PCDH11X: variants seen among roughly 807,000 people sequenced by gnomAD.
The protein encoded by PCDH11X is protocadherin 11 X-linked, also known as protocadherin-11 X-linked.
PCDH11X carries 18 observed loss-of-function variants against 53.3 expected under a neutral mutation model. The observed-to-expected ratio is 0.34, with a 90% CI of 0.23 to 0.50. The LOEUF (loss-of-function observed/expected upper bound fraction) is 0.50, where lower values mean the gene tolerates loss of function less well. Among genes scored for constraint, PCDH11X ranks in the 20% least tolerant of loss-of-function variants. PCDH11X has a pLI of 0.98. For missense variants in PCDH11X, 570 were observed against 1,032.4 expected (o/e 0.55, Z 6.14); for synonymous variants, 279 against 393.3 (o/e 0.71, Z 3.44).
chrX:92,276,696 T>G (rs1355800055), intron 8 of PCDH11X, among the ~76,000 whole-genome samples: 2 of 111,558 alleles, frequency 1.8e-5, no homozygotes, highest in Non-Finnish European at 3.8e-5. Flanking sequence ...TCAAGTCCTG[T>G]TGTGGGGTTT....
chrX:92,345,213 G>A (rs2069862253), intron 8 of PCDH11X, among the ~76,000 whole-genome samples: 3 of 110,556 alleles, frequency 2.7e-5, no homozygotes, highest in Admixed American at 9.7e-5. Flanking sequence ...AAGAGGATAC[G>A]AAGAACATTC....
chrX:92,159,022 A>T (rs1195814396), intron 6 of PCDH11X, among the ~76,000 whole-genome samples: 1 of 112,207 alleles, frequency 8.9e-6, no homozygotes, highest in Non-Finnish European at 1.9e-5. Flanking sequence ...TAAGCACAAA[A>T]ATAAGTACAT....
At chrX:91,981,034 A>G (rs1237700216) in intron 6 of PCDH11X, among the ~76,000 whole-genome samples, 2 of 102,958 alleles carry the variant, frequency 1.9e-5, no homozygotes, top group African/African-American at 7.0e-5. Flanking sequence ...ATATATATAT[A>G]TACACTGAAT....
At chrX:92,340,520 T>G in intron 8 of PCDH11X, among the ~76,000 whole-genome samples, 1 of 112,180 alleles carries the variant, frequency 8.9e-6, no homozygotes, top group Non-Finnish European at 1.9e-5. Context: ...CTTGACTCAG[T>G]GCACCCACAG....
chrX:92,614,779 C>T (rs746506358), intron 10 of PCDH11X, among the ~76,000 whole-genome samples: 1,286 of 110,797 alleles, frequency 0.012, 22 homozygotes, highest in African/African-American at 0.04. Context: ...CTCCTCAGCC[C>T]CAAGTTCTCT....
At position 92,493,898 on chromosome X, in the gene PCDH11X, C is replaced by T. The variant is rs369634950; in HGVS notation, c.3367+25576C>T. On this transcript the variant is annotated intron_variant, in intron 10 of 10. Transcript: ENST00000682573. ...CTGAGCTCAGGCAATCCAACCGCCT[C>T]GGCCTCCCGAAGTGCTAGGATTACA... Among the ~76,000 whole-genome samples, 249 of 109,919 alleles carry T rather than the reference C, an allele frequency of 2.3e-3. 1 individual carries two copies. The highest frequency in any genetic ancestry group is 7.7e-3 in the African/African-American group (232 of 30,225).
At chrX:92,208,119 C>T (rs945202391) in intron 7 of PCDH11X, among the ~76,000 whole-genome samples, 5 of 106,358 alleles carry the variant, frequency 4.7e-5, no homozygotes, top group African/African-American at 1.7e-4. Flanking sequence ...CACTTGAACC[C>T]GGGTGGCAGA....
intron 10 of PCDH11X, among the ~76,000 whole-genome samples, chrX:92,609,216 C>A (rs1282419050): frequency 9.0e-6 from 1 of 111,729 alleles, no homozygotes; most frequent in East Asian, 2.8e-4. Context: ...ATAAAAATTT[C>A]TACGATAACA....
At chrX:92,193,395 G>A (rs2066234579) in intron 6 of PCDH11X, among the ~76,000 whole-genome samples, 1 of 110,959 alleles carries the variant, frequency 9.0e-6, no homozygotes, top group Non-Finnish European at 1.9e-5. Context: ...GGACAAGAAT[G>A]ATGCCAATAA....
chrX:92,135,854 C>G lies in PCDH11X; in HGVS notation c.3034-65521C>G, dbSNP rs760177568. Among the ~76,000 whole-genome samples, 4 of 109,183 alleles carry G rather than the reference C, an allele frequency of 3.7e-5. No individual in the cohort carries two copies. In the East Asian group the frequency reaches 1.2e-3, roughly 32 times the overall value. The allele number at this position is 109,183 out of a possible 115,157, so 94.8% of individuals were successfully genotyped here. On this transcript the variant is annotated intron_variant, in intron 6 of 10. Transcript: ENST00000682573. ...GTATAATTGGAATGAAAATTATTAT[C>G]TTGGTGAAGAAAATCTGAGCTGCCA...
intron 6 of PCDH11X, among the ~76,000 whole-genome samples, chrX:92,172,564 AT>A (rs1441757499): frequency 2.1e-4 from 23 of 108,210 alleles, no homozygotes; most frequent in African/African-American, 7.0e-4. Context: ...TAGTTAACAA[AT>A]TTTTTTTTGA....
At chrX:92,485,351 C>T (rs893334312) in intron 10 of PCDH11X, among the ~76,000 whole-genome samples, 1 of 110,943 alleles carries the variant, frequency 9.0e-6, no homozygotes, top group African/African-American at 3.3e-5. Flanking sequence ...AAAATGTTCA[C>T]ATGTTTTTAT....
Position 91,835,584 on chromosome X carries a change from A to G in PCDH11X, c.80A>G (p.Asn27Ser), listed in dbSNP as rs1347739706. 9.9e-6 allele frequency: 12 copies of G among 1,208,884 alleles called. No homozygotes were observed. The East Asian group carries it at 3.3e-4, about 33-fold the overall frequency. Residue 27 changes from asparagine (N) to serine (S), a missense_variant, in exon 5 of 11, where the codon AAC (asparagine) becomes AGC (serine). Transcript: ENST00000682573. ...VVFHSGAQEK[N>S]YTIREEMPEN... ...TTCCACTCTGGCGCCCAGGAGAAAA[A>G]CTACACCATCCGAGAAGAAATGCCA...
intron 6 of PCDH11X, among the ~76,000 whole-genome samples, chrX:91,888,065 G>A (rs1163632963): frequency 3.6e-5 from 4 of 111,470 alleles, no homozygotes; most frequent in African/African-American, 1.3e-4. Context: ...ATTTGCAACC[G>A]AAATTGTTTT....
chrX:92,569,635 A>AT (rs1037425710), intron 10 of PCDH11X, among the ~76,000 whole-genome samples: 7 of 110,854 alleles, frequency 6.3e-5, no homozygotes, highest in African/African-American at 2.3e-4. Flanking sequence ...GTCATTAACT[A>AT]TTTTTTGATA....
At chrX:92,219,535 A>G (rs1370746115) in intron 7 of PCDH11X, among the ~76,000 whole-genome samples, 2 of 109,307 alleles carry the variant, frequency 1.8e-5, no homozygotes, top group Admixed American at 9.9e-5. Context: ...CCACTGCTCA[A>G]TGAAATAAAA....
intron 7 of PCDH11X, among the ~76,000 whole-genome samples, chrX:92,257,374 C>A (rs1485543655): frequency 9.0e-6 from 1 of 110,924 alleles, no homozygotes; most frequent in Admixed American, 9.6e-5. Context: ...CCCTGGCCTC[C>A]CCCAAATCTC....
intron 4 of PCDH11X, among the ~76,000 whole-genome samples, chrX:91,827,973 G>A (rs1936975944): frequency 9.1e-6 from 1 of 109,672 alleles, no homozygotes; most frequent in Admixed American, 9.8e-5. Context: ...CTACTTCTGT[G>A]AAGAGTGTCA....
intron 9 of PCDH11X, among the ~76,000 whole-genome samples, chrX:92,428,595 G>A (rs2072178988): frequency 9.4e-6 from 1 of 106,639 alleles, no homozygotes. Context: ...ATTTATAAAA[G>A]TGCAATTTCT....
Sources: allele counts gnomAD v4.1 joint callset (sites outside exome capture counted in the v4.1 genomes callset), GRCh38; gene constraint gnomAD v4.1.1; transcripts MANE v1.5; gene names NCBI Gene and HGNC (gene_info 2026-07-23, HGNC 2026-07-21).